WDR53: variants seen among roughly 807,000 people sequenced by gnomAD.
The protein encoded by WDR53 is WD repeat-containing protein 53.
WDR53 carries 19 observed loss-of-function variants against 21.3 expected under a neutral mutation model. The ratio of observed to expected loss-of-function variants is 0.89; its 90% CI spans 0.62 to 1.31. The LOEUF is 1.31. WDR53 is among the 50% of genes most tolerant of loss of function. The pLI is 0.00. For missense variants in WDR53, 374 were observed against 423.2 expected (o/e 0.88, Z 1.02); for synonymous variants, 157 against 163.4 (o/e 0.96, Z 0.30).
chr3:196,561,325 C>T lies in WDR53; in HGVS notation c.151G>A (p.Ala51Thr). Reference protein sequence around the residue: ...TPLGHTRFQGADDVTSVLFSP... With the variant: ...TPLGHTRFQGTDDVTSVLFSP... ...AATAAGACACTGGTAACATCATCAG[C>T]CCCTTGGAACCGCGTGTGTCCTAAT... Residue 51 changes from alanine (A) to threonine (T), a missense_variant, in exon 3 of 4, where the codon GCT becomes ACT. Physicochemically the swap from Ala to Thr is moderately conservative, Grantham distance 58 (BLOSUM62 0). Transcript: ENST00000332629. 1.2e-6 allele frequency: 2 copies of T among 1,614,138 alleles called. No individual in the cohort carries two copies. Among genetic ancestry groups the T allele is most frequent in the Non-Finnish European group, 1.7e-6 (2 of 1,180,030 alleles).
chr3:196,559,246 T>C (rs1285847964), intron 3 of WDR53, among the ~76,000 whole-genome samples: 1 of 152,192 alleles, frequency 6.6e-6, no homozygotes, highest in Non-Finnish European at 1.5e-5. Context: ...CAAGGGCAGA[T>C]TATCACCACT....
chr3:196,560,852 A>C, intron 3 of WDR53, 144 bp downstream of exon 3: 1 of 1,006,432 alleles, frequency 9.9e-7, no homozygotes, highest in Non-Finnish European at 1.4e-6. Flanking sequence ...ACTAGCATTA[A>C]ATGTAGAAAT....
At position 196,561,286 on chromosome 3, in the gene WDR53, G is replaced by C. The variant is rs372239671; in HGVS notation, c.190C>G (p.Pro64Ala). Residue 64 changes from proline (P) to alanine (A), a missense_variant, in exon 3 of 4, where the codon CCC becomes GCC. Coordinates refer to ENST00000332629, the MANE Select transcript of WDR53 (RefSeq NM_182627.3). ...CCATGTGAGGCATAGAGCTTGGTGG[G>C]ACAGGAGGGAGAAAATAAGACACTG... is the stretch of plus-strand genomic sequence containing the variant. ...VTSVLFSPSC[P>A]TKLYASHGET... 1 of 1,614,194 alleles carries C rather than the reference G, an allele frequency of 6.2e-7. No individual in the cohort carries two copies. The highest frequency in any genetic ancestry group is 8.5e-7 in the Non-Finnish European group (1 of 1,180,038).
chr3:196,567,384 T>C (rs1487095563), intron 1 of WDR53, 77 bp from the exon 2 acceptor site: 3 of 371,594 alleles, frequency 8.1e-6, no homozygotes, highest in Middle Eastern at 6.0e-4. Context: ...CAAATAATAA[T>C]CAAACACCAT....
At position 196,554,195 on chromosome 3, in the gene WDR53, A is replaced by C; in HGVS notation, c.*16T>G. ...AAAACAGTTTTGCCACAATTCTTCAAATGTTTTTATTGGATTTAAAATTCA... is the reference window on the plus strand; with the variant it reads ...AAAACAGTTTTGCCACAATTCTTCACATGTTTTTATTGGATTTAAAATTCA... On this transcript the variant is annotated 3_prime_UTR_variant, in exon 4 of 4. Transcript: ENST00000332629. 6.6e-7 allele frequency: 1 copy of C among 1,520,916 alleles called. No individual in the cohort carries two copies. Among genetic ancestry groups the C allele is most frequent in the Non-Finnish European group, 8.9e-7 (1 of 1,125,450 alleles). The allele number at this position is 1,520,916 out of a possible 1,614,324, so 94.2% of individuals were successfully genotyped here.
intron 3 of WDR53, among the ~76,000 whole-genome samples, chr3:196,560,168 T>A (rs150609812): frequency 6.6e-6 from 1 of 152,178 alleles, no homozygotes; most frequent in Non-Finnish European, 1.5e-5. Context: ...GTTCTCTACA[T>A]AATGGGTTTC....
In WDR53 at chr3:196,567,113, A is replaced by G. The variant is rs1351129097; in HGVS notation, c.-253T>C. On this transcript the variant is annotated 5_prime_UTR_variant, in exon 2 of 4. It removes the in-frame stop codon of an upstream open reading frame in the 5' UTR. Transcript: ENST00000332629. The stretch of plus-strand genomic sequence containing the variant: ...GCCTCTAAGGCTGTTCATTCTGTCT[A>G]GTTCATGATCCCTTTCTCAGATGGA... The G allele has an allele frequency of 2.2e-5, 10 of 456,610 alleles. No homozygotes were observed. The highest frequency in any genetic ancestry group is 1.8e-4 in the African/African-American group (9 of 50,080). The allele number at this position is 456,610 out of a possible 1,614,324, so 28.3% of individuals were successfully genotyped here.
rs1735500047 is a variant in WDR53 at position 196,567,299 on chromosome 3, G to A, written c.-439C>T. 2.2e-6 allele frequency: 1 copy of A among 454,316 alleles called. No homozygotes were observed. The highest frequency in any genetic ancestry group is 1.6e-5 in the South Asian group (1 of 64,346). 28.1% of individuals were successfully genotyped at this position (454,316 alleles called of 1,614,324 possible). Reference sequence around the variant, plus strand: ...CAACCAAAATGATTGAAGGGCTGTGGCGCTGGCACTGGTAAGAATGAAAAG... The same window carrying A: ...CAACCAAAATGATTGAAGGGCTGTGACGCTGGCACTGGTAAGAATGAAAAG... On this transcript the variant is annotated 5_prime_UTR_variant, in exon 2 of 4. Transcript: ENST00000332629.
intron 3 of WDR53, among the ~76,000 whole-genome samples, chr3:196,555,533 G>A (rs527557285): frequency 6.6e-6 from 1 of 151,636 alleles, no homozygotes; most frequent in East Asian, 1.9e-4. Flanking sequence ...GGTGCTTTTT[G>A]TTTTTTTTAA....
chr3:196,560,699 T>G (rs1025939324), intron 3 of WDR53, among the ~76,000 whole-genome samples: 9 of 152,226 alleles, frequency 5.9e-5, no homozygotes, highest in African/African-American at 1.9e-4. Flanking sequence ...CAACTCTGCC[T>G]TTAGTACTCA....
chr3:196,557,417 G>A (rs1000301780), intron 3 of WDR53, among the ~76,000 whole-genome samples: 1 of 152,164 alleles, frequency 6.6e-6, no homozygotes, highest in African/African-American at 2.4e-5. Context: ...GTGTCGGCTT[G>A]TGCCTGTAGT....
intron 3 of WDR53, among the ~76,000 whole-genome samples, chr3:196,558,100 A>G (rs1006382969): frequency 1.2e-4 from 19 of 152,140 alleles, no homozygotes; most frequent in African/African-American, 4.3e-4. Flanking sequence ...TACACCTCAT[A>G]TATATAAATA....
In WDR53 at chr3:196,566,688, C is replaced by G. The variant is rs892014372; in HGVS notation, c.-17+189G>C. 3.9e-5 allele frequency among the ~76,000 whole-genome samples: 6 copies of G among 152,036 alleles called. 1 individual carries two copies. The highest frequency in any genetic ancestry group is 1.4e-4 in the African/African-American group (6 of 41,402). On this transcript the variant is annotated intron_variant, in intron 2 of 3. Coordinates refer to ENST00000332629, the MANE Select transcript of WDR53 (RefSeq NM_182627.3). ...TTCGGCCTCCCAAAGTGCTGGGATT[C>G]CAGGCGTGAGCCACGGCACCCGGCC...
chr3:196,557,948 TG>T (rs1417495180), intron 3 of WDR53, among the ~76,000 whole-genome samples: 1 of 151,784 alleles, frequency 6.6e-6, no homozygotes, highest in Non-Finnish European at 1.5e-5. Context: ...GGCTACTTTT[TG>T]TATCTTTTGT....
intron 2 of WDR53, among the ~76,000 whole-genome samples, chr3:196,562,093 C>A (rs950622745): frequency 1.3e-5 from 2 of 152,130 alleles, no homozygotes; most frequent in African/African-American, 4.8e-5. Context: ...TAGGCCGGTG[C>A]AAAGCGGCAT....
chr3:196,560,863 A>G, intron 3 of WDR53, 133 bp downstream of exon 3: 1 of 1,114,318 alleles, frequency 9.0e-7, no homozygotes, highest in Admixed American at 2.6e-5. Flanking sequence ...ATGTAGAAAT[A>G]AGGCTTATTG....
intron 3 of WDR53, among the ~76,000 whole-genome samples, chr3:196,555,788 G>T (rs1734265226): frequency 6.6e-6 from 1 of 152,132 alleles, no homozygotes; most frequent in Admixed American, 6.5e-5. Flanking sequence ...ATGCTATTAA[G>T]AATTTGGTTT....
chr3:196,554,487 C>A lies in WDR53; in HGVS notation c.801G>T (p.Leu267Phe). The A allele has an allele frequency of 6.2e-7, 1 of 1,614,170 alleles. No homozygotes were observed. Among genetic ancestry groups the A allele is most frequent in the South Asian group, 1.1e-5 (1 of 91,084 alleles). Residue 267 changes from leucine to phenylalanine, a missense_variant, in exon 4 of 4, where the codon TTG (leucine) becomes TTT (phenylalanine). Leu to Phe is a conservative substitution (Grantham distance 22). Coordinates refer to ENST00000332629, the MANE Select transcript of WDR53 (RefSeq NM_182627.3). The stretch of plus-strand genomic sequence containing the variant: ...TCTCAACTTCACTGTTTGCATCCCA[C>A]AACGTGATCTTCCCATCATTCCCTC... ...LTGGNDGKITLWDANSEVEKK... is the reference protein window; with the variant it reads ...LTGGNDGKITFWDANSEVEKK...
intron 2 of WDR53, among the ~76,000 whole-genome samples, chr3:196,565,998 T>C (rs1475515886): frequency 6.6e-6 from 1 of 152,220 alleles, no homozygotes; most frequent in African/African-American, 2.4e-5. Flanking sequence ...GTTAATCATA[T>C]CCTACTGTAA....
Sources: gnomAD v4.1 joint callset for allele counts (sites outside exome capture counted in the v4.1 genomes callset) on GRCh38, gnomAD v4.1.1 for gene constraint, MANE v1.5 for transcripts, NCBI Gene and HGNC (gene_info 2026-07-23, HGNC 2026-07-21) for gene names.